The following TASP1 variants were observed in gnomAD, a reference collection of about 807,000 sequenced individuals.
TASP1 encodes the protein threonine aspartase 1.
Under a neutral mutation model 56.6 loss-of-function variants are expected in TASP1, and 16 were observed. That is an observed-to-expected ratio of 0.28 (90% CI 0.19 to 0.43). The LOEUF (loss-of-function observed/expected upper bound fraction) is 0.43, where lower values mean the gene tolerates loss of function less well. Ranked by LOEUF, TASP1 falls within the 20% of genes least tolerant of loss-of-function variation. TASP1 has a pLI of 1.00. For missense variants in TASP1, 393 were observed against 511.6 expected, an observed-to-expected ratio of 0.77 and a Z score of 2.24; for synonymous variants, 179 against 184.2, an observed-to-expected ratio of 0.97 and a Z score of 0.23.
At chr20:13,610,468 C>T (rs1246133990) in intron 4 of TASP1, among the ~76,000 whole-genome samples, 2 of 151,964 alleles carry the variant, frequency 1.3e-5, no homozygotes, top group South Asian at 2.1e-4. Context: ...GACACAAGGC[C>T]GGCCATGTTC....
the TASP1 span, among the ~76,000 whole-genome samples, chr20:13,230,743 G>C: frequency 6.8e-6 from 1 of 147,040 alleles, no homozygotes; most frequent in Admixed American, 6.8e-5. Context: ...GGAATGTGTT[G>C]TAGAAAAAAA....
At chr20:13,262,865 T>A in the TASP1 span, among the ~76,000 whole-genome samples, 1 of 152,114 alleles carries the variant, frequency 6.6e-6, no homozygotes, top group African/African-American at 2.4e-5. Flanking sequence ...TTCTAAAGCC[T>A]GAGATAATAA....
At chr20:13,638,156 T>C (rs1487262635) in intron 1 of TASP1, among the ~76,000 whole-genome samples, 1 of 152,232 alleles carries the variant, frequency 6.6e-6, no homozygotes, top group Non-Finnish European at 1.5e-5. Context: ...GGGAAAAGTT[T>C]TATTTACAAC....
At chr20:13,632,335 G>A (rs1459503660) in intron 1 of TASP1, among the ~76,000 whole-genome samples, 263 of 145,994 alleles carry the variant, frequency 1.8e-3, no homozygotes, top group African/African-American at 6.2e-3. Context: ...ACTGCACTCC[G>A]GCCTGGGCTA....
intron 11 of TASP1, 84 bp from the exon 12 acceptor site, chr20:13,435,238 T>C: frequency 4.9e-6 from 5 of 1,020,500 alleles, no homozygotes; most frequent in Non-Finnish European, 7.3e-6. Flanking sequence ...AGAACAAAAA[T>C]GTGGCATGAA....
At chr20:13,286,048 G>T in the TASP1 span, among the ~76,000 whole-genome samples, 1 of 152,122 alleles carries the variant, frequency 6.6e-6, no homozygotes, top group Admixed American at 6.5e-5. Flanking sequence ...CTACCTAGGG[G>T]ATTTAATAAG....
the TASP1 span, among the ~76,000 whole-genome samples, chr20:13,254,865 C>A: frequency 5.3e-5 from 8 of 152,206 alleles, no homozygotes; most frequent in Non-Finnish European, 7.3e-5. Flanking sequence ...ACTTATTGGG[C>A]ATTGAAATCC....
chr20:13,108,950 A>G, the TASP1 span, among the ~76,000 whole-genome samples: 1 of 152,336 alleles, frequency 6.6e-6, no homozygotes, highest in South Asian at 2.1e-4. Flanking sequence ...TAAGTATTTC[A>G]GTTTCATCTT....
intron 12 of TASP1, among the ~76,000 whole-genome samples, chr20:13,429,112 A>G (rs966013614): frequency 6.6e-5 from 10 of 152,202 alleles, no homozygotes; most frequent in Non-Finnish European, 1.5e-4. Flanking sequence ...CTCTCAAATA[A>G]CTGAGTTCAG....
chr20:13,552,940 G>T (rs2046028557), intron 8 of TASP1, among the ~76,000 whole-genome samples: 9 of 151,798 alleles, frequency 5.9e-5, no homozygotes, highest in Admixed American at 3.3e-4. Context: ...TCCTCTTTTT[G>T]AGACAGAGTC....
At chr20:13,519,214 T>C (rs541296217) in intron 10 of TASP1, among the ~76,000 whole-genome samples, 1 of 152,206 alleles carries the variant, frequency 6.6e-6, no homozygotes, top group African/African-American at 2.4e-5. Context: ...GTTGAAAAAC[T>C]ATCTATTGGG....
At chr20:13,279,889 C>G in the TASP1 span, 1 of 1,613,758 alleles carries the variant, frequency 6.2e-7, no homozygotes, top group South Asian at 1.1e-5. Context: ...CAAAGATCAG[C>G]CAGAATATGG....
At chr20:13,599,694 G>T (rs2047883464) in intron 4 of TASP1, among the ~76,000 whole-genome samples, 2 of 150,704 alleles carry the variant, frequency 1.3e-5, no homozygotes, top group Admixed American at 1.3e-4. Flanking sequence ...AAAAATCAAT[G>T]TAATTCACCA....
chr20:13,319,990 G>A, the TASP1 span, among the ~76,000 whole-genome samples: 5 of 152,224 alleles, frequency 3.3e-5, no homozygotes, highest in East Asian at 1.9e-4. Context: ...AAACTCCACC[G>A]AAGGGTTGGG....
intron 8 of TASP1, among the ~76,000 whole-genome samples, chr20:13,536,120 C>T (rs1015059644): frequency 6.6e-6 from 1 of 152,136 alleles, no homozygotes; most frequent in African/African-American, 2.4e-5. Flanking sequence ...TTTAAGAAGG[C>T]TTCTCAAATT....
chr20:13,216,902 C>T, the TASP1 span, among the ~76,000 whole-genome samples: 6 of 152,108 alleles, frequency 3.9e-5, no homozygotes, highest in Non-Finnish European at 8.8e-5. Context: ...GAAAGGGACA[C>T]ACATTAATCC....
chr20:13,490,421 T>C (rs907144642), intron 10 of TASP1, among the ~76,000 whole-genome samples: 2 of 152,166 alleles, frequency 1.3e-5, no homozygotes, highest in Admixed American at 6.5e-5. Flanking sequence ...CCAGAAAAAG[T>C]TGGCAAAACC....
At chr20:13,414,079 A>C (rs1478566860) in intron 13 of TASP1, among the ~76,000 whole-genome samples, 1 of 152,222 alleles carries the variant, frequency 6.6e-6, no homozygotes, top group Non-Finnish European at 1.5e-5. Flanking sequence ...TTTCTGATAT[A>C]GGATCTAGTC....
intron 10 of TASP1, among the ~76,000 whole-genome samples, chr20:13,508,336 G>T (rs921081029): frequency 1.3e-5 from 2 of 152,058 alleles, no homozygotes; most frequent in African/African-American, 4.8e-5. Flanking sequence ...AAAAATATTT[G>T]CAAACTAAAT....
Sources: allele counts gnomAD v4.1 joint callset (sites outside exome capture counted in the v4.1 genomes callset), GRCh38; gene constraint gnomAD v4.1.1; transcripts MANE v1.5; gene names NCBI Gene and HGNC (gene_info 2026-07-23, HGNC 2026-07-21).